The following ATP8A2 variants were observed in gnomAD, a reference collection of about 807,000 sequenced individuals.
The protein encoded by ATP8A2 is ATPase phospholipid transporting 8A2.
In ATP8A2, 100 loss-of-function variants were observed where a neutral mutation model predicts 165.6. That is an observed-to-expected ratio of 0.60 (90% CI 0.51 to 0.71). The LOEUF is 0.71. Ranked by LOEUF, ATP8A2 falls within the 30% of genes least tolerant of loss-of-function variation. The pLI is 0.00. For synonymous variants in ATP8A2, 543 were observed against 548.8 expected, an observed-to-expected ratio of 0.99 and a Z score of 0.15; for missense variants, 1,227 against 1,479.5, an observed-to-expected ratio of 0.83 and a Z score of 2.80.
At chr13:25,754,674 CA>C (rs1223572429) in intron 25 of ATP8A2, among the ~76,000 whole-genome samples, 1 of 151,778 alleles carries the variant, frequency 6.6e-6, no homozygotes, top group Non-Finnish European at 1.5e-5. Flanking sequence ...AAATATAAAG[CA>C]AAAAATCCCA....
chr13:25,905,003 T>G (rs1385036950), intron 33 of ATP8A2, among the ~76,000 whole-genome samples: 1 of 152,226 alleles, frequency 6.6e-6, no homozygotes, highest in East Asian at 1.9e-4. Flanking sequence ...TGCGCATGGC[T>G]GTAAGCATGT....
chr13:25,433,041 G>T (rs1393473124), intron 1 of ATP8A2, among the ~76,000 whole-genome samples: 1 of 152,112 alleles, frequency 6.6e-6, no homozygotes, highest in African/African-American at 2.4e-5. Flanking sequence ...CTGTAGAATG[G>T]CTTCTATTTC....
intron 33 of ATP8A2, among the ~76,000 whole-genome samples, chr13:25,884,969 T>C (rs1953098562): frequency 6.6e-6 from 1 of 152,188 alleles, no homozygotes; most frequent in African/African-American, 2.4e-5. Context: ...AGGGGCTTGA[T>C]GCTGTGCCCT....
At chr13:25,830,334 A>G (rs967172538) in intron 28 of ATP8A2, among the ~76,000 whole-genome samples, 5 of 152,104 alleles carry the variant, frequency 3.3e-5, no homozygotes, top group African/African-American at 1.2e-4. Context: ...GCATGACCCT[A>G]GGGTTGAGAT....
At chr13:25,746,225 C>G (rs567539638) in intron 25 of ATP8A2, among the ~76,000 whole-genome samples, 38 of 152,286 alleles carry the variant, frequency 2.5e-4, no homozygotes, top group African/African-American at 9.1e-4. Context: ...CCTCCCACCC[C>G]CAAAAAACTC....
intron 27 of ATP8A2, 26 bp downstream of exon 27, chr13:25,774,985 GA>G: frequency 7.6e-7 from 1 of 1,317,014 alleles, no homozygotes; most frequent in Non-Finnish European, 1.1e-6. Flanking sequence ...TTTTTTCCTT[GA>G]AGAGAAAGTT....
intron 24 of ATP8A2, among the ~76,000 whole-genome samples, chr13:25,676,166 GGT>G (rs2042368121): frequency 6.6e-6 from 1 of 152,152 alleles, no homozygotes. Flanking sequence ...TCTGATTGGT[GGT>G]CTGGATCAGA....
intron 1 of ATP8A2, among the ~76,000 whole-genome samples, chr13:25,463,250 G>T (rs1359899717): frequency 1.3e-5 from 2 of 150,912 alleles, no homozygotes; most frequent in East Asian, 4.0e-4. Context: ...CTGCAGTTTG[G>T]AGTGAAGGAT....
At chr13:25,495,434 T>G (rs558044895) in intron 2 of ATP8A2, among the ~76,000 whole-genome samples, 25 of 152,120 alleles carry the variant, frequency 1.6e-4, no homozygotes, top group African/African-American at 6.0e-4. Flanking sequence ...CTCTGCTCTC[T>G]CTTCCTACCT....
chr13:25,442,168 C>T (rs1253445371), intron 1 of ATP8A2, among the ~76,000 whole-genome samples: 3 of 152,284 alleles, frequency 2.0e-5, no homozygotes, highest in African/African-American at 4.8e-5. Flanking sequence ...GTTGCTTCCA[C>T]GTTGTAGCTG....
At chr13:25,910,735 T>G (rs1017250249) in intron 33 of ATP8A2, among the ~76,000 whole-genome samples, 1 of 152,218 alleles carries the variant, frequency 6.6e-6, no homozygotes, top group Non-Finnish European at 1.5e-5. Flanking sequence ...GATGGTGGTC[T>G]TTGCGCAATA....
chr13:25,605,934 C>T (rs918797534), intron 24 of ATP8A2, among the ~76,000 whole-genome samples: 4 of 152,178 alleles, frequency 2.6e-5, no homozygotes, highest in African/African-American at 9.7e-5. Context: ...AATCTATATT[C>T]ACACACACTT....
intron 1 of ATP8A2, among the ~76,000 whole-genome samples, chr13:25,387,504 G>GCATCC (rs1206046511): frequency 3.9e-5 from 6 of 152,036 alleles, no homozygotes. Flanking sequence ...TTCTGTCGTT[G>GCATCC]GGATGTGCAC....
chr13:25,570,844 TAAC>T lies in ATP8A2; in HGVS notation c.1553_1555del (p.Asn518del), dbSNP rs2138178164. ...CGGTTGTTCCTGAGAAGGATGGAGA[TAAC>T]ATCATCTACCAGGCCTCTTCCCCAG... On this transcript the variant is annotated inframe_deletion, in exon 17 of 37. Transcript: ENST00000381655. 1 of 1,613,664 alleles carries T rather than the reference TAAC, an allele frequency of 6.2e-7. No individual in the cohort carries two copies. The highest frequency in any genetic ancestry group is 8.5e-7 in the Non-Finnish European group (1 of 1,179,664).
intron 35 of ATP8A2, among the ~76,000 whole-genome samples, chr13:25,977,479 T>C (rs1351805744): frequency 2.0e-5 from 3 of 152,144 alleles, no homozygotes; most frequent in African/African-American, 7.2e-5. Context: ...TGGTGACTGT[T>C]TGCATCCTGG....
At chr13:25,826,465 A>G (rs976687061) in intron 27 of ATP8A2, among the ~76,000 whole-genome samples, 1 of 152,230 alleles carries the variant, frequency 6.6e-6, no homozygotes, top group Non-Finnish European at 1.5e-5. Context: ...ACCAAGTATC[A>G]TACTGGATAC....
At chr13:25,391,856 G>C (rs1426661651) in intron 1 of ATP8A2, among the ~76,000 whole-genome samples, 1 of 152,190 alleles carries the variant, frequency 6.6e-6, no homozygotes, top group African/African-American at 2.4e-5. Flanking sequence ...ATCTCAGCAT[G>C]CAACAGTTAC....
chr13:25,583,193 T>C (rs1391114037), intron 23 of ATP8A2, among the ~76,000 whole-genome samples: 1 of 152,246 alleles, frequency 6.6e-6, no homozygotes, highest in Non-Finnish European at 1.5e-5. Flanking sequence ...ATTTGCTTTT[T>C]GTATGCTATA....
chr13:25,381,925 T>C (rs1011577521), intron 1 of ATP8A2, among the ~76,000 whole-genome samples: 3 of 152,214 alleles, frequency 2.0e-5, no homozygotes, highest in African/African-American at 7.2e-5. Context: ...AACATTGTGA[T>C]GATGTCTGTG....
Sources: gnomAD v4.1 joint callset for allele counts (sites outside exome capture counted in the v4.1 genomes callset) on GRCh38, gnomAD v4.1.1 for gene constraint, MANE v1.5 for transcripts, NCBI Gene and HGNC (gene_info 2026-07-23, HGNC 2026-07-21) for gene names.